The following SLC17A4 variants were observed in gnomAD, a reference collection of about 807,000 sequenced individuals.
The protein encoded by SLC17A4 is probable small intestine urate exporter.
In SLC17A4, 33 loss-of-function variants were observed where a neutral mutation model predicts 52.5. The ratio of observed to expected loss-of-function variants is 0.63; its 90% confidence interval spans 0.48 to 0.84. SLC17A4 has a LOEUF of 0.84. Among genes scored for constraint, SLC17A4 ranks in the 40% least tolerant of loss-of-function variants. SLC17A4 has a pLI of 0.00. For synonymous variants in SLC17A4, 225 were observed against 216.2 expected (o/e 1.04, Z -0.36); for missense variants, 585 against 597.1 (o/e 0.98, Z 0.21).
chr6:25,773,087 G>T (rs1762611823), intron 6 of SLC17A4, among the ~76,000 whole-genome samples, 188 bp from the exon 7 acceptor site: 1 of 152,342 alleles, frequency 6.6e-6, no homozygotes, highest in Non-Finnish European at 1.5e-5. Context: ...AAAGCAAGTT[G>T]TATGGCCAAG....
At chr6:25,776,404 T>G (rs1042974426) in intron 8 of SLC17A4, among the ~76,000 whole-genome samples, 191 bp from the exon 9 acceptor site, 2 of 152,176 alleles carry the variant, frequency 1.3e-5, no homozygotes, top group African/African-American at 4.8e-5. Flanking sequence ...TTGTTCTTTT[T>G]TTTTTGCAAG....
chr6:25,767,175 T>G (rs1762091407), intron 2 of SLC17A4, among the ~76,000 whole-genome samples: 1 of 152,126 alleles, frequency 6.6e-6, no homozygotes, highest in African/African-American at 2.4e-5. Context: ...CTTATAACTT[T>G]TAAAAAAGAA....
chr6:25,758,402 CATT>C (rs1164277646), intron 1 of SLC17A4, among the ~76,000 whole-genome samples: 1 of 152,194 alleles, frequency 6.6e-6, no homozygotes, highest in African/African-American at 2.4e-5. Context: ...ATTCAAATTA[CATT>C]ATTGTTGTAA....
chr6:25,757,208 C>T (rs577571985), intron 1 of SLC17A4, among the ~76,000 whole-genome samples: 10 of 152,274 alleles, frequency 6.6e-5, no homozygotes, highest in African/African-American at 1.7e-4. Flanking sequence ...TTTAGTGGTA[C>T]GTTACATAAC....
rs748320469 is a variant in SLC17A4 at position 25,776,891 on chromosome 6, G to T, written c.1200G>T (p.Val400=). 6.2e-7 allele frequency: 1 copy of T among 1,613,886 alleles called. No homozygotes were observed. The highest frequency in any genetic ancestry group is 8.5e-7 in the Non-Finnish European group (1 of 1,179,848). Residue 400 remains valine, a synonymous_variant, in exon 10 of 12, where the codon GTG becomes GTT. Coordinates refer to ENST00000377905, the MANE Select transcript of SLC17A4 (RefSeq NM_005495.3). Reference sequence around the variant, plus strand: ...ACAGCATGACCATGACCTTCTTGGTGCTGTCTTCTGCCATCAGCAGCTTCT... The same window carrying T: ...ACAGCATGACCATGACCTTCTTGGTTCTGTCTTCTGCCATCAGCAGCTTCT... ...SSHSMTMTFL[V]LSSAISSFCE...
At chr6:25,769,526 C>A (rs1582695613) in intron 3 of SLC17A4, among the ~76,000 whole-genome samples, 1 of 150,710 alleles carries the variant, frequency 6.6e-6, no homozygotes, top group Non-Finnish European at 1.5e-5. Context: ...CCACTGCACT[C>A]CGGTCTGGGT....
intron 6 of SLC17A4, 31 bp from the exon 7 acceptor site, chr6:25,773,244 A>T (rs1390770604): frequency 1.3e-6 from 2 of 1,539,800 alleles, no homozygotes. Flanking sequence ...ACTTCAATCC[A>T]TCCAGTGCTA....
intron 6 of SLC17A4, 97 bp downstream of exon 6, chr6:25,771,109 C>A: frequency 9.9e-7 from 1 of 1,010,656 alleles, no homozygotes; most frequent in Non-Finnish European, 1.6e-6. Context: ...TGGATATTTA[C>A]ATAGCTAAAG....
intron 10 of SLC17A4, 138 bp from the exon 11 acceptor site, chr6:25,777,788 G>C (rs911092117): frequency 4.5e-6 from 3 of 661,328 alleles, no homozygotes; most frequent in South Asian, 1.8e-5. Flanking sequence ...CATCTCCAGA[G>C]GTAAGCACAG....
chr6:25,776,553 G>A, intron 8 of SLC17A4, 42 bp from the exon 9 acceptor site: 1 of 1,553,002 alleles, frequency 6.4e-7, no homozygotes. Context: ...CGTGGTGGGG[G>A]TGGTAAGGGC....
At chr6:25,756,895 G>C (rs1219210204) in intron 1 of SLC17A4, among the ~76,000 whole-genome samples, 1 of 152,136 alleles carries the variant, frequency 6.6e-6, no homozygotes, top group Non-Finnish European at 1.5e-5. Flanking sequence ...TGCCCTGAAA[G>C]CTATGTCTTT....
Position 25,773,645 on chromosome 6 carries a change from A to G in SLC17A4, c.958A>G (p.Ser320Gly). 1 of 1,613,722 alleles carries G rather than the reference A, an allele frequency of 6.2e-7. No individual in the cohort carries two copies. The highest frequency in any genetic ancestry group is 8.5e-7 in the Non-Finnish European group (1 of 1,179,768). The stretch of plus-strand genomic sequence containing the variant: ...TATGGCGTACACACCAACGTACATC[A>G]GCTCGGTACTTCAAGCCAACCTCAG... Reference protein sequence around the residue: ...TIMAYTPTYISSVLQANLRDS... With the variant: ...TIMAYTPTYIGSVLQANLRDS... The change falls in exon 8 of 12, where the codon AGC (serine) becomes GGC (glycine). Residue 320 changes from serine to glycine, a missense_variant. Physicochemically the swap from Ser to Gly is moderately conservative, Grantham distance 56 (BLOSUM62 0). Transcript: ENST00000377905.
At position 25,779,408 on chromosome 6, in the gene SLC17A4, T is replaced by C; in HGVS notation, c.*220T>C. ...GCATAGGTGTGTTGAGATTTCTGTG[T>C]TCTCCACTCTTCCACTGTTATCCTA... On this transcript the variant is annotated 3_prime_UTR_variant, in exon 12 of 12. Transcript: ENST00000377905. The C allele has an allele frequency of 2.0e-6, 1 of 499,146 alleles. No homozygotes were observed. Among genetic ancestry groups the C allele is most frequent in the Non-Finnish European group, 3.4e-6 (1 of 291,178 alleles). 30.9% of individuals were successfully genotyped at this position (499,146 alleles called of 1,614,324 possible). A position where few individuals can be genotyped will look rare whatever the true frequency, so the allele number is the denominator to read the frequency against.
intron 1 of SLC17A4, among the ~76,000 whole-genome samples, chr6:25,761,717 GATAT>G (rs1761549627): frequency 6.6e-6 from 1 of 152,130 alleles, no homozygotes; most frequent in African/African-American, 2.4e-5. Context: ...TCACTTGCGA[GATAT>G]AAATACTAAG....
chr6:25,762,492 C>A (rs1005506215), intron 2 of SLC17A4, among the ~76,000 whole-genome samples: 5 of 152,162 alleles, frequency 3.3e-5, no homozygotes, highest in African/African-American at 7.2e-5. Context: ...ATCTATATTA[C>A]AACATCATGC....
chr6:25,758,401 A>G (rs1488547666), intron 1 of SLC17A4, among the ~76,000 whole-genome samples: 3 of 152,232 alleles, frequency 2.0e-5, no homozygotes, highest in African/African-American at 7.2e-5. Flanking sequence ...AATTCAAATT[A>G]CATTATTGTT....
rs964266755 is a variant in SLC17A4, at chr6:25,779,665, T to C, written c.*477T>C. On this transcript the variant is annotated 3_prime_UTR_variant, in exon 12 of 12. Coordinates refer to ENST00000377905, the MANE Select transcript of SLC17A4 (RefSeq NM_005495.3). ...AATGATTCCATCATGATAAGAGGAA[T>C]GAACGTGTCTGCAACTAATGGGAGC... 6.5e-6 allele frequency: 1 copy of C among 153,976 alleles called. No homozygotes were observed. The highest frequency in any genetic ancestry group is 2.4e-5 in the African/African-American group (1 of 41,474). 9.5% of individuals were successfully genotyped at this position (153,976 alleles called of 1,614,324 possible).
chr6:25,772,762 T>C lies in SLC17A4; in HGVS notation c.707-513T>C, dbSNP rs188908697. Reference sequence around the variant, plus strand: ...AAAGCATGACTAGCAGGAGGGATGCTGACTGGTACGTGAATGGTGAGGGCA... The same window carrying C: ...AAAGCATGACTAGCAGGAGGGATGCCGACTGGTACGTGAATGGTGAGGGCA... On this transcript the variant is annotated intron_variant, in intron 6 of 11. Transcript: ENST00000377905. Among the ~76,000 whole-genome samples, 151 of 152,340 alleles carry C rather than the reference T, an allele frequency of 9.9e-4. 1 individual carries two copies. Among genetic ancestry groups the C allele is most frequent in the Non-Finnish European group, 1.4e-3 (94 of 68,024 alleles).
In SLC17A4 at chr6:25,776,730, A is replaced by G. The variant is rs373081835; in HGVS notation, c.1120+3A>G. On this transcript the variant is annotated splice_donor_region_variant and intron_variant, in intron 9 of 11. Transcript: ENST00000377905. ...CAGGAAACTCTTCACTGCCATTGGTAAGGGAGAGACTGGACACAGGGGTGA... is the reference window on the plus strand; with the variant it reads ...CAGGAAACTCTTCACTGCCATTGGTGAGGGAGAGACTGGACACAGGGGTGA... 496 of 1,613,796 alleles carry G rather than the reference A, an allele frequency of 3.1e-4. No individual in the cohort carries two copies. Among genetic ancestry groups the G allele is most frequent in the Non-Finnish European group, 4.1e-4 (480 of 1,179,880 alleles).
Sources: allele counts gnomAD v4.1 joint callset (sites outside exome capture counted in the v4.1 genomes callset), GRCh38; gene constraint gnomAD v4.1.1; transcripts MANE v1.5; gene names NCBI Gene and HGNC (gene_info 2026-07-23, HGNC 2026-07-21).